Variants in ZNF71 observed in about 807,000 individuals in gnomAD.
ZNF71 encodes endothelial zinc finger protein induced by tumor necrosis factor alpha.
ZNF71 carries 3 observed loss-of-function variants against 6.7 expected under a neutral mutation model. That is an observed-to-expected ratio of 0.45 (90% CI 0.20 to 1.16). The LOEUF is 1.16. Among genes scored for constraint, ZNF71 ranks in the 50% most tolerant of loss-of-function variants. ZNF71 has a pLI of 0.25. For synonymous variants in ZNF71, 343 were observed against 311.1 expected, an observed-to-expected ratio of 1.10 and a Z score of -1.08; for missense variants, 688 against 728.6, an observed-to-expected ratio of 0.94 and a Z score of 0.64.
intron 2 of ZNF71, among the ~76,000 whole-genome samples, chr19:56,607,292 G>A (rs906622931): frequency 2.6e-5 from 4 of 152,140 alleles, no homozygotes; most frequent in African/African-American, 9.7e-5. Flanking sequence ...TATGAGAGTT[G>A]TATGCTCATT....
Position 56,623,323 on chromosome 19 carries a change from A to G in ZNF71, c.*566A>G, listed in dbSNP as rs924706523. 1.2e-5 allele frequency: 2 copies of G among 168,170 alleles called. No homozygotes were observed. The highest frequency in any genetic ancestry group is 2.9e-5 in the Non-Finnish European group (2 of 68,982). 10.4% of individuals were successfully genotyped at this position (168,170 alleles called of 1,614,324 possible). A position where few individuals can be genotyped will look rare whatever the true frequency, so the allele number is the denominator to read the frequency against. ...GTTTGCCGGTTGTTTGTGAGGGGAA[A>G]AATTTTTTTTTCAGAGTTAGCAAAT... On this transcript the variant is annotated 3_prime_UTR_variant, in exon 4 of 4. Transcript: ENST00000599599.
At chr19:56,609,369 C>T (rs988953062) in intron 2 of ZNF71, among the ~76,000 whole-genome samples, 10 of 152,086 alleles carry the variant, frequency 6.6e-5, no homozygotes, top group Non-Finnish European at 1.3e-4. Context: ...TACAGTTATG[C>T]AACCATCACC....
rs79667590 is a variant in ZNF71 at position 56,598,809 on chromosome 19, G to GC, written c.-52-2692dup. 1.3e-5 allele frequency among the ~76,000 whole-genome samples: 2 copies of GC among 151,966 alleles called. No individual in the cohort carries two copies. Among genetic ancestry groups the GC allele is most frequent in the Non-Finnish European group, 2.9e-5 (2 of 68,016 alleles). ...TCTGCCAACTTGGCCTTATATATAT[G>GC]CCCCCCTACAATTAAAATTACTTTT... is the stretch of plus-strand genomic sequence containing the variant. On this transcript the variant is annotated intron_variant, in intron 1 of 3. Coordinates refer to ENST00000599599, the MANE Select transcript of ZNF71 (RefSeq NM_001370215.1). This position sits in a 1 kb window ranked among gnomAD's most constrained non-coding sequence, Gnocchi z 4.2.
Position 56,612,252 on chromosome 19 carries a change from T to G in ZNF71, c.34-1560T>G, listed in dbSNP as rs149413135. Among the ~76,000 whole-genome samples the G allele has an allele frequency of 5.9e-5, 9 of 152,340 alleles. 1 individual carries two copies. The East Asian group carries it at 1.5e-3, about 26-fold the overall frequency. On this transcript the variant is annotated intron_variant, in intron 2 of 3. Transcript: ENST00000599599. ...CAAAAAGACACCTGCACGTGTATGT[T>G]TATTGCAGCACGATTCACAATTGCA... is the stretch of plus-strand genomic sequence containing the variant.
Position 56,622,636 on chromosome 19 carries a change from A to C in ZNF71, c.1529A>C (p.Asn510Thr), listed in dbSNP as rs748562974. The C allele has an allele frequency of 1.5e-5, 24 of 1,566,590 alleles. No homozygotes were observed. The highest frequency in any genetic ancestry group is 2.0e-5 in the Non-Finnish European group (23 of 1,158,818). Residue 510 changes from asparagine (N) to threonine (T), a missense_variant, in exon 4 of 4, where the codon AAC (asparagine) becomes ACC (threonine). By Grantham distance (65) the Asn-to-Thr change is moderately conservative (BLOSUM62 0). Transcript: ENST00000599599. The part of the protein sequence containing the change: ...CGQCGKSFIK[N>T]SSLTVHQRIH... ...CAGTGCGGGAAGTCCTTCATCAAGA[A>C]CTCCTCCCTCACTGTGCACCAGCGG...
At chr19:56,609,427 C>T (rs1568505619) in intron 2 of ZNF71, among the ~76,000 whole-genome samples, 1 of 152,146 alleles carries the variant, frequency 6.6e-6, no homozygotes, top group Non-Finnish European at 1.5e-5. Flanking sequence ...ACCCCATACC[C>T]ATTGGCAGTC....
chr19:56,599,603 G>A (rs2044651449), intron 1 of ZNF71, among the ~76,000 whole-genome samples: 1 of 151,906 alleles, frequency 6.6e-6, no homozygotes, highest in South Asian at 2.1e-4. Flanking sequence ...GGCATACAAT[G>A]TGTAATAATC....
intron 1 of ZNF71, among the ~76,000 whole-genome samples, chr19:56,600,617 T>C (rs2044663505): frequency 6.6e-6 from 1 of 152,148 alleles, no homozygotes; most frequent in Admixed American, 6.5e-5. Context: ...GTTTTAATTT[T>C]TAGCTCACAC....
At chr19:56,602,199 T>C (rs775686467) in intron 2 of ZNF71, among the ~76,000 whole-genome samples, 2 of 152,222 alleles carry the variant, frequency 1.3e-5, no homozygotes, top group African/African-American at 4.8e-5. Flanking sequence ...GTTTACTTAA[T>C]GGTTCCTCTG....
At chr19:56,604,081 A>G (rs2044691902) in intron 2 of ZNF71, among the ~76,000 whole-genome samples, 1 of 53,574 alleles carries the variant, frequency 1.9e-5, no homozygotes, top group Admixed American at 2.3e-4. Context: ...TGCTCAGTGA[A>G]TAGTTGAGTG....
intron 3 of ZNF71, among the ~76,000 whole-genome samples, chr19:56,615,464 A>G (rs1429937879): frequency 6.6e-6 from 1 of 151,760 alleles, no homozygotes; most frequent in Non-Finnish European, 1.5e-5. Flanking sequence ...TGGTCTCATC[A>G]CTGCGCTTTT....
At chr19:56,600,619 A>C (rs926298270) in intron 1 of ZNF71, among the ~76,000 whole-genome samples, 2 of 151,738 alleles carry the variant, frequency 1.3e-5, no homozygotes, top group Admixed American at 6.6e-5. Context: ...TTTAATTTTT[A>C]GCTCACACAA....
At chr19:56,621,071 T>C (rs999259785) in intron 3 of ZNF71, among the ~76,000 whole-genome samples, 197 bp from the exon 4 acceptor site, 1 of 152,148 alleles carries the variant, frequency 6.6e-6, no homozygotes, top group Admixed American at 6.5e-5. Context: ...TTGACTCTGC[T>C]TCATAAACCA....
chr19:56,616,495 C>T (rs2044792218), intron 3 of ZNF71, among the ~76,000 whole-genome samples: 1 of 152,174 alleles, frequency 6.6e-6, no homozygotes, highest in South Asian at 2.1e-4. Flanking sequence ...GGGTTTTCTG[C>T]CCAAAGCCCC....
intron 3 of ZNF71, among the ~76,000 whole-genome samples, chr19:56,620,170 G>A (rs1165469856): frequency 6.6e-6 from 1 of 152,214 alleles, no homozygotes; most frequent in African/African-American, 2.4e-5. Flanking sequence ...GCTGATGAGA[G>A]GGCTGGGGTG....
rs369010497 is a variant in ZNF71 at position 56,622,341 on chromosome 19, A to C, written c.1234A>C (p.Lys412Gln). ...GCACCAGCGCTTCCACATCGGCGTGAAGCCGTTCGAGTGCAGCGAGTGCGG... is the reference window on the plus strand; with the variant it reads ...GCACCAGCGCTTCCACATCGGCGTGCAGCCGTTCGAGTGCAGCGAGTGCGG... ...IQHQRFHIGV[K>Q]PFECSECGKA... The change falls in exon 4 of 4, where the codon AAG becomes CAG. Residue 412 changes from lysine to glutamine, a missense_variant. Coordinates refer to ENST00000599599, the MANE Select transcript of ZNF71 (RefSeq NM_001370215.1). 15 of 1,612,370 alleles carry C rather than the reference A, an allele frequency of 9.3e-6. No individual in the cohort carries two copies. Among genetic ancestry groups the C allele is most frequent in the Non-Finnish European group, 1.2e-5 (14 of 1,179,360 alleles).
At chr19:56,599,195 G>A (rs962746977) in intron 1 of ZNF71, among the ~76,000 whole-genome samples, 5 of 152,156 alleles carry the variant, frequency 3.3e-5, no homozygotes, top group African/African-American at 1.2e-4. Flanking sequence ...AGAGGTGTTG[G>A]TGGCACGGGT....
In ZNF71 at chr19:56,621,570, G is replaced by A. The variant is rs760226929; in HGVS notation, c.463G>A (p.Asp155Asn). ...GCVLVPPRLD[D>N]PTEKGACPPV... ...TGTCCTGGTCCCACCACGGCTGGAC[G>A]ACCCCACAGAAAAGGGGGCCTGTCC... The change falls in exon 4 of 4, where the codon GAC becomes AAC. Residue 155 changes from aspartate (D) to asparagine (N), a missense_variant. By Grantham distance (23) the Asp-to-Asn change is conservative (BLOSUM62 1). Transcript: ENST00000599599. 2.5e-6 allele frequency: 4 copies of A among 1,614,164 alleles called. No individual in the cohort carries two copies. Among genetic ancestry groups the A allele is most frequent in the South Asian group, 2.2e-5 (2 of 91,066 alleles).
chr19:56,601,892 C>A (rs1418897415), intron 2 of ZNF71, among the ~76,000 whole-genome samples: 1 of 152,154 alleles, frequency 6.6e-6, no homozygotes, highest in African/African-American at 2.4e-5. Flanking sequence ...CAGGACCATG[C>A]TGGATGTGTG....
Sources: gnomAD v4.1 joint callset for allele counts (sites outside exome capture counted in the v4.1 genomes callset) on GRCh38, gnomAD v4.1.1 for gene constraint, Gnocchi (gnomAD v3.1) non-coding constraint, MANE v1.5 for transcripts, NCBI Gene and HGNC (gene_info 2026-07-23, HGNC 2026-07-21) for gene names.